WDR37: variants seen among roughly 807,000 people sequenced by gnomAD.
WDR37 encodes the protein WD repeat-containing protein 37.
In WDR37, 19 loss-of-function variants were observed where a neutral mutation model predicts 62.9. That is an observed-to-expected ratio of 0.30 (90% CI 0.21 to 0.44). WDR37 has a LOEUF of 0.44. Ranked by LOEUF, WDR37 falls within the 20% of genes least tolerant of loss-of-function variation. The probability of loss-of-function intolerance (pLI) is 1.00; values close to 1 mark genes in which losing one functional copy is unlikely to be tolerated. For synonymous variants in WDR37, 250 were observed against 260.9 expected (o/e 0.96, Z 0.40); for missense variants, 474 against 657.6 (o/e 0.72, Z 3.05).
chr10:1,071,974 A>G, intron 1 of WDR37, 142 bp from the exon 2 acceptor site: 1 of 582,284 alleles, frequency 1.7e-6, no homozygotes, highest in Non-Finnish European at 2.7e-6. Flanking sequence ...AAACATCTTA[A>G]TTTGTCATAT....
chr10:1,116,501 C>A (rs1313528570), intron 11 of WDR37, among the ~76,000 whole-genome samples: 1 of 152,100 alleles, frequency 6.6e-6, no homozygotes, highest in African/African-American at 2.4e-5. Flanking sequence ...GATAATGGCC[C>A]CCAGTTCTAT....
chr10:1,072,419 A>G (rs1433667292), intron 2 of WDR37, 126 bp downstream of exon 2: 1 of 1,287,854 alleles, frequency 7.8e-7, no homozygotes, highest in South Asian at 1.4e-5. Flanking sequence ...GGTGGAAGTG[A>G]TTCTCCTGCC....
intron 11 of WDR37, among the ~76,000 whole-genome samples, chr10:1,118,757 A>G (rs186229954): frequency 1.2e-4 from 19 of 152,268 alleles, no homozygotes; most frequent in Non-Finnish European, 2.8e-4. Flanking sequence ...TGTGTGTGTA[A>G]GAGAGGGACA....
intron 11 of WDR37, among the ~76,000 whole-genome samples, chr10:1,107,918 T>A (rs1394392708): frequency 9.2e-6 from 1 of 108,882 alleles, no homozygotes; most frequent in East Asian, 2.4e-4. Flanking sequence ...TATTTACACA[T>A]GTGTACACAC....
chr10:1,069,570 A>G (rs1050634259), intron 1 of WDR37, among the ~76,000 whole-genome samples: 2 of 151,838 alleles, frequency 1.3e-5, no homozygotes, highest in African/African-American at 4.8e-5. Context: ...CTCTTTGATC[A>G]TATTTACATA....
chr10:1,106,009 T>A (rs1286381109), intron 11 of WDR37, among the ~76,000 whole-genome samples: 1 of 152,024 alleles, frequency 6.6e-6, no homozygotes, highest in Non-Finnish European at 1.5e-5. Context: ...ATGGTCTCGA[T>A]CTCCTGACGT....
rs866595101 is a variant in WDR37, at chr10:1,059,902, C to T, written c.-41+2934C>T. 3.9e-5 allele frequency among the ~76,000 whole-genome samples: 6 copies of T among 152,194 alleles called. No individual in the cohort carries two copies. The East Asian group carries it at 5.8e-4, about 15-fold the overall frequency. On this transcript the variant is annotated intron_variant, in intron 1 of 13. Coordinates refer to ENST00000263150, the MANE Select transcript of WDR37 (RefSeq NM_014023.4). ...TTCTGTCACGCAGGCTGGAGTGCAG[C>T]GGCATGATCTCAGCTCACCACTGCC...
At chr10:1,077,258 C>G (rs183005416) in intron 2 of WDR37, among the ~76,000 whole-genome samples, 72 of 152,302 alleles carry the variant, frequency 4.7e-4, no homozygotes, top group Admixed American at 1.8e-3. Context: ...GACAATGTAG[C>G]TCCTTCCCTT....
chr10:1,125,035 G>A lies in WDR37; in HGVS notation c.1353+11G>A, dbSNP rs367954024. Reference sequence around the variant, plus strand: ...CGGAGCAGCCGACAGGTAACAGCACGGTCGGTGAACATATGCAGGGCACAG... The same window carrying A: ...CGGAGCAGCCGACAGGTAACAGCACAGTCGGTGAACATATGCAGGGCACAG... On this transcript the variant is annotated intron_variant, in intron 13 of 13. Transcript: ENST00000263150. The A allele has an allele frequency of 1.4e-5, 22 of 1,614,008 alleles. No individual in the cohort carries two copies. Among genetic ancestry groups the A allele is most frequent in the African/African-American group, 1.3e-4 (10 of 74,924 alleles).
In WDR37 at chr10:1,080,471, A is replaced by C. The variant is rs1303168615; in HGVS notation, c.391A>C (p.Ser131Arg). 1 of 1,614,238 alleles carries C rather than the reference A, an allele frequency of 6.2e-7. No individual in the cohort carries two copies. Among genetic ancestry groups the C allele is most frequent in the Admixed American group, 1.7e-5 (1 of 60,026 alleles). Residue 131 changes from serine to arginine, a missense_variant, in exon 5 of 14, where the codon AGC becomes CGC. Ser to Arg is a moderately radical substitution (Grantham distance 110). Transcript: ENST00000263150. The part of the protein sequence containing the change: ...KLKTTYKAST[S>R]KIVSSFKTTT... Reference sequence around the variant, plus strand: ...GAAGACCACTTACAAGGCTTCCACCAGCAAGGTATGCAGGCCACTGGCTCT... The same window carrying C: ...GAAGACCACTTACAAGGCTTCCACCCGCAAGGTATGCAGGCCACTGGCTCT...
chr10:1,124,798 A>G (rs1835690603), intron 12 of WDR37, 112 bp from the exon 13 acceptor site: 2 of 1,362,718 alleles, frequency 1.5e-6, no homozygotes, highest in Non-Finnish European at 2.0e-6. Flanking sequence ...GTGTTCATGT[A>G]GTCGGCCTTG....
intron 7 of WDR37, among the ~76,000 whole-genome samples, chr10:1,092,451 G>A (rs897564897): frequency 6.6e-6 from 1 of 151,400 alleles, no homozygotes. Flanking sequence ...CTCACTGCAA[G>A]CTCTGCCCCC....
chr10:1,061,028 A>G (rs1012033502), intron 1 of WDR37, among the ~76,000 whole-genome samples: 1 of 152,200 alleles, frequency 6.6e-6, no homozygotes, highest in Non-Finnish European at 1.5e-5. Context: ...TGCATCTCTC[A>G]GAACCTGTCC....
At chr10:1,063,100 A>G (rs1755413043) in intron 1 of WDR37, among the ~76,000 whole-genome samples, 1 of 150,730 alleles carries the variant, frequency 6.6e-6, no homozygotes, top group South Asian at 2.1e-4. Flanking sequence ...AAAAAAAAAG[A>G]GACTGAAAGA....
intron 11 of WDR37, among the ~76,000 whole-genome samples, chr10:1,113,455 T>G (rs1285530356): frequency 1.3e-5 from 2 of 152,230 alleles, no homozygotes; most frequent in Non-Finnish European, 2.9e-5. Flanking sequence ...TGAGTCTTAT[T>G]ATTTAAAAAA....
At chr10:1,128,356 G>A (rs1333151787) in intron 13 of WDR37, among the ~76,000 whole-genome samples, 6 of 152,224 alleles carry the variant, frequency 3.9e-5, no homozygotes, top group Non-Finnish European at 7.3e-5. Context: ...CTAAGTGTTG[G>A]CTAAGAGCCT....
At chr10:1,112,570 C>G (rs1201668101) in intron 11 of WDR37, among the ~76,000 whole-genome samples, 1 of 152,230 alleles carries the variant, frequency 6.6e-6, no homozygotes, top group African/African-American at 2.4e-5. Flanking sequence ...AGGCTGAAAG[C>G]TGGGCATCCT....
At chr10:1,125,531 C>T (rs534228119) in intron 13 of WDR37, among the ~76,000 whole-genome samples, 17 of 152,284 alleles carry the variant, frequency 1.1e-4, no homozygotes, top group East Asian at 5.8e-4. Context: ...ATACCATGAT[C>T]GGCTTTTCAG....
chr10:1,101,722 C>T (rs1834810219), intron 9 of WDR37, among the ~76,000 whole-genome samples: 1 of 152,242 alleles, frequency 6.6e-6, no homozygotes. Flanking sequence ...GACTTTGCCT[C>T]CCGTAGCTGT....
Sources: gnomAD v4.1 joint callset for allele counts (sites outside exome capture counted in the v4.1 genomes callset) on GRCh38, gnomAD v4.1.1 for gene constraint, MANE v1.5 for transcripts, NCBI Gene and HGNC (gene_info 2026-07-23, HGNC 2026-07-21) for gene names.